The following COL28A1 variants were observed in gnomAD, a reference collection of about 807,000 sequenced individuals.
The protein encoded by COL28A1 is collagen alpha-1(XXVIII) chain.
COL28A1 carries 161 observed loss-of-function variants against 150.2 expected under a neutral mutation model. The ratio of observed to expected loss-of-function variants is 1.07; its 90% confidence interval spans 0.94 to 1.22. The LOEUF is 1.22. COL28A1 is among the 50% of genes most tolerant of loss of function. The pLI is 0.00. For synonymous variants in COL28A1, 552 were observed against 469.7 expected, an observed-to-expected ratio of 1.18 and a Z score of -2.26; for missense variants, 1,617 against 1,388.3, an observed-to-expected ratio of 1.16 and a Z score of -2.62.
intron 27 of COL28A1, among the ~76,000 whole-genome samples, chr7:7,399,641 A>G (rs1783053242): frequency 7.3e-6 from 1 of 137,352 alleles, no homozygotes; most frequent in Non-Finnish European, 1.5e-5. Context: ...AATATGGAAA[A>G]GAAATAATAA....
intron 18 of COL28A1, among the ~76,000 whole-genome samples, chr7:7,449,634 C>T (rs940810231): frequency 1.3e-5 from 2 of 151,756 alleles, no homozygotes; most frequent in African/African-American, 4.8e-5. Context: ...AGAGATTCCA[C>T]AAACAGATTT....
At chr7:7,529,366 T>G (rs1782214675) in intron 3 of COL28A1, among the ~76,000 whole-genome samples, 1 of 151,910 alleles carries the variant, frequency 6.6e-6, no homozygotes, top group Non-Finnish European at 1.5e-5. Flanking sequence ...GGTATACCAT[T>G]CTTTGAAGAG....
intron 25 of COL28A1, among the ~76,000 whole-genome samples, chr7:7,424,628 G>C (rs1386731007): frequency 6.6e-6 from 1 of 152,094 alleles, no homozygotes; most frequent in Non-Finnish European, 1.5e-5. Context: ...AGACGTGCGA[G>C]CAAATTCTAG....
chr7:7,451,453 C>T (rs1289533142), intron 18 of COL28A1, among the ~76,000 whole-genome samples: 11 of 151,946 alleles, frequency 7.2e-5, no homozygotes, highest in African/African-American at 2.4e-4. Flanking sequence ...CTCGATCTCT[C>T]GACCTTGTGA....
chr7:7,474,753 G>A, intron 14 of COL28A1, 84 bp from the exon 15 acceptor site: 1 of 754,544 alleles, frequency 1.3e-6, no homozygotes, highest in Non-Finnish European at 2.3e-6. Flanking sequence ...TATGAATTGT[G>A]CTTCAAAATT....
intron 23 of COL28A1, among the ~76,000 whole-genome samples, chr7:7,435,299 G>T (rs1337636598): frequency 6.6e-6 from 1 of 152,172 alleles, no homozygotes; most frequent in Non-Finnish European, 1.5e-5. Flanking sequence ...ATTGATCAAG[G>T]TCATAGCTGC....
chr7:7,373,595 A>G lies in COL28A1; in HGVS notation c.2360-49T>C, dbSNP rs756409581. ...AAAAATTGTGGGAATGATTGACATC[A>G]GATTGTTGAGGGGAGGGGAGAAAAA... On this transcript the variant is annotated intron_variant, in intron 31 of 34. Transcript: ENST00000399429. The surrounding 1 kb of genome is among the most constrained non-coding windows in gnomAD (Gnocchi z 4.1). The G allele has an allele frequency of 2.0e-6, 3 of 1,502,524 alleles. No homozygotes were observed. The Admixed American group carries it at 5.2e-5, about 26-fold the overall frequency. 93.1% of individuals were successfully genotyped at this position (1,502,524 alleles called of 1,614,324 possible). A position where few individuals can be genotyped will look rare whatever the true frequency, so the allele number is the denominator to read the frequency against.
intron 22 of COL28A1, 123 bp downstream of exon 22, chr7:7,437,271 G>C: frequency 7.1e-6 from 10 of 1,407,874 alleles, no homozygotes; most frequent in Non-Finnish European, 9.3e-6. Context: ...AAGTTTCAGA[G>C]TTAAACGGAA....
In COL28A1 at chr7:7,455,926, T is replaced by C; in HGVS notation, c.1371+118A>G. The C allele has an allele frequency of 3.7e-6, 5 of 1,356,456 alleles. 1 individual carries two copies. Among genetic ancestry groups the C allele is most frequent in the Non-Finnish European group, 4.9e-6 (5 of 1,016,682 alleles). 84.0% of individuals were successfully genotyped at this position (1,356,456 alleles called of 1,614,324 possible). A position where few individuals can be genotyped will look rare whatever the true frequency, so the allele number is the denominator to read the frequency against. The stretch of plus-strand genomic sequence containing the variant: ...CCTATATTCACTTCTGGACTTATAC[T>C]CCACTGCAATTAACTGTCAAATATA... On this transcript the variant is annotated intron_variant, in intron 16 of 34. Transcript: ENST00000399429.
intron 21 of COL28A1, 46 bp downstream of exon 21, chr7:7,440,744 A>T (rs1279835540): frequency 2.7e-6 from 2 of 743,218 alleles, no homozygotes; most frequent in Non-Finnish European, 4.6e-6. Context: ...AAAACCAGAC[A>T]CAATACAAAC....
chr7:7,380,116 C>T (rs1382938419), intron 30 of COL28A1, among the ~76,000 whole-genome samples: 1 of 152,034 alleles, frequency 6.6e-6, no homozygotes. Flanking sequence ...ACTTTGCCTT[C>T]CACTCATGAG....
At chr7:7,536,196 C>A (rs1297436197), upstream of COL28A1, among the ~76,000 whole-genome samples, 9 of 152,194 alleles carry the variant, frequency 5.9e-5, no homozygotes, top group African/African-American at 2.2e-4. Flanking sequence ...ATAAATGACA[C>A]CAGACTCAGA....
At chr7:7,457,321 G>GT (rs1219954121) in intron 15 of COL28A1, among the ~76,000 whole-genome samples, 1 of 152,198 alleles carries the variant, frequency 6.6e-6, no homozygotes, top group Non-Finnish European at 1.5e-5. Context: ...GAGAGTGGAG[G>GT]TGGTGGGGAG....
In COL28A1 at chr7:7,441,554, G is replaced by T. The variant is rs1785793917; in HGVS notation, c.1651-693C>A. ...AAAAAAAAAAAATTCCTCGTGGTCT[G>T]CAGCTGAGGCTATTTAAATATTTAT... On this transcript the variant is annotated intron_variant, in intron 20 of 34. Transcript: ENST00000399429. Among the ~76,000 whole-genome samples, 5 of 151,182 alleles carry T rather than the reference G, an allele frequency of 3.3e-5. 1 individual carries two copies. The South Asian group carries it at 1.0e-3, about 32-fold the overall frequency.
rs757452825 is a variant in COL28A1, at chr7:7,373,587, T to C, written c.2360-41A>G. ...TGAGAGAGAAAAATTGTGGGAATGA[T>C]TGACATCAGATTGTTGAGGGGAGGG... is the stretch of plus-strand genomic sequence containing the variant. On this transcript the variant is annotated intron_variant, in intron 31 of 34. Transcript: ENST00000399429. This position sits in a 1 kb window ranked among gnomAD's most constrained non-coding sequence, Gnocchi z 4.1. 1.7e-5 allele frequency: 26 copies of C among 1,549,506 alleles called. No homozygotes were observed. The highest frequency in any genetic ancestry group is 2.2e-5 in the Non-Finnish European group (25 of 1,138,032).
chr7:7,392,227 T>TCA (rs543445436), intron 27 of COL28A1, among the ~76,000 whole-genome samples: 212 of 152,358 alleles, frequency 1.4e-3, no homozygotes, highest in African/African-American at 4.9e-3. Context: ...TATTTCTCCT[T>TCA]CACTTGTGAA....
intron 27 of COL28A1, among the ~76,000 whole-genome samples, chr7:7,395,235 A>T (rs1406797191): frequency 6.6e-6 from 1 of 152,194 alleles, no homozygotes; most frequent in African/African-American, 2.4e-5. Context: ...AGAGTTCTGC[A>T]GTGAGCCAAG....
chr7:7,531,869 C>T lies in COL28A1; in HGVS notation c.160G>A (p.Asp54Asn). Residue 54 changes from aspartate to asparagine, a missense_variant, in exon 3 of 35, where the codon GAC becomes AAC. By Grantham distance (23) the Asp-to-Asn change is conservative. Transcript: ENST00000399429. ...GCAATTTTAGAACTTTCAGAGCTGT[C>T]CACGATGAAGACAATATCTATGAAA... is the stretch of plus-strand genomic sequence containing the variant. ...ICFIDIVFIV[D>N]SSESSKIALF... The T allele has an allele frequency of 6.2e-7, 1 of 1,609,024 alleles. No individual in the cohort carries two copies. The highest frequency in any genetic ancestry group is 1.3e-5 in the African/African-American group (1 of 74,904).
At chr7:7,493,352 G>T (rs1157248941) in intron 11 of COL28A1, among the ~76,000 whole-genome samples, 1 of 152,058 alleles carries the variant, frequency 6.6e-6, no homozygotes, top group African/African-American at 2.4e-5. Flanking sequence ...CAAGAAATTG[G>T]TTTGGTCATT....
Sources: allele counts gnomAD v4.1 joint callset (sites outside exome capture counted in the v4.1 genomes callset), GRCh38; gene constraint gnomAD v4.1.1; non-coding constraint Gnocchi (gnomAD v3.1); transcripts MANE v1.5; gene names NCBI Gene and HGNC (gene_info 2026-07-23, HGNC 2026-07-21).